Variants in MAP3K4 observed in about 807,000 individuals in gnomAD.
MAP3K4 encodes MAP three kinase 1.
MAP3K4 carries 67 observed loss-of-function variants against 185.6 expected under a neutral mutation model. That is an observed-to-expected ratio of 0.36 (90% CI 0.30 to 0.44). MAP3K4 has a LOEUF of 0.44. MAP3K4 is among the 20% of genes least tolerant of loss of function. The pLI is 1.00. For missense variants in MAP3K4, 1,551 were observed against 1,995.1 expected, an observed-to-expected ratio of 0.78 and a Z score of 4.24; for synonymous variants, 702 against 710.4, an observed-to-expected ratio of 0.99 and a Z score of 0.19.
At chr6:161,083,717 G>A (rs192016556) in intron 6 of MAP3K4, among the ~76,000 whole-genome samples, 4 of 151,718 alleles carry the variant, frequency 2.6e-5, no homozygotes, top group South Asian at 4.2e-4. Flanking sequence ...TTTCTTCCTC[G>A]CAGATTTTCC....
rs1259975744 is a variant in MAP3K4, at chr6:161,064,622, T to C, written c.1708-5986T>C. Among the ~76,000 whole-genome samples, 1 of 152,182 alleles carries C rather than the reference T, an allele frequency of 6.6e-6. No homozygotes were observed. Among genetic ancestry groups the C allele is most frequent in the Non-Finnish European group, 1.5e-5 (1 of 68,036 alleles). On this transcript the variant is annotated intron_variant, in intron 3 of 26. Coordinates refer to ENST00000392142, the MANE Select transcript of MAP3K4 (RefSeq NM_005922.4). The surrounding 1 kb of genome is among the most constrained non-coding windows in gnomAD (Gnocchi z 4.3). The stretch of plus-strand genomic sequence containing the variant: ...TTTCTTTTCAGAAGTTTCTGTGCTG[T>C]TTTTATTTTTGCACATTACTTTCTT...
chr6:161,060,948 C>T (rs1002830264), intron 3 of MAP3K4, among the ~76,000 whole-genome samples: 1 of 152,070 alleles, frequency 6.6e-6, no homozygotes, highest in African/African-American at 2.4e-5. Flanking sequence ...TTTTAAGGAA[C>T]CCTAGTTCCC....
intron 4 of MAP3K4, among the ~76,000 whole-genome samples, chr6:161,072,825 T>C (rs1356466911): frequency 6.6e-6 from 1 of 152,226 alleles, no homozygotes; most frequent in East Asian, 1.9e-4. Context: ...TTGTCTCATT[T>C]CAACCTTCTG....
In MAP3K4 at chr6:161,049,586, T is replaced by A. The variant is rs773972250; in HGVS notation, c.1314T>A (p.Asn438Lys). Residue 438 changes from asparagine (N) to lysine (K), a missense_variant, in exon 3 of 27, where the codon AAT becomes AAA. By Grantham distance (94) the Asn-to-Lys change is moderately conservative. Around this residue, in one of 16 missense-constraint regions of MAP3K4, gnomAD observed 126 missense variants for 112.8 expected, o/e 1.12. Coordinates refer to ENST00000392142, the MANE Select transcript of MAP3K4 (RefSeq NM_005922.4). The surrounding 1 kb of genome is among the most constrained non-coding windows in gnomAD (Gnocchi z 8.4). ...EIPSPRPSKG[N>K]EPEYEGDDTE... The stretch of plus-strand genomic sequence containing the variant: ...CTTCCCCTCGACCATCCAAAGGTAA[T>A]GAGCCGGAGTATGAGGGTGATGACA... 3 of 1,614,134 alleles carry A rather than the reference T, an allele frequency of 1.9e-6. No individual in the cohort carries two copies. The South Asian group carries it at 3.3e-5, about 18-fold the overall frequency.
At chr6:161,055,602 C>A (rs1784196102) in intron 3 of MAP3K4, among the ~76,000 whole-genome samples, 2 of 152,144 alleles carry the variant, frequency 1.3e-5, no homozygotes, top group South Asian at 2.1e-4. Context: ...TCTAATAATT[C>A]CCTTTTCTGT....
In MAP3K4 at chr6:161,043,073, C is replaced by T. The variant is rs1783563801; in HGVS notation, c.344-5543C>T. Among the ~76,000 whole-genome samples, 1 of 152,160 alleles carries T rather than the reference C, an allele frequency of 6.6e-6. No individual in the cohort carries two copies. The highest frequency in any genetic ancestry group is 2.4e-5 in the African/African-American group (1 of 41,438). On this transcript the variant is annotated intron_variant, in intron 2 of 26. Coordinates refer to ENST00000392142, the MANE Select transcript of MAP3K4 (RefSeq NM_005922.4). This position sits in a 1 kb window ranked among gnomAD's most constrained non-coding sequence, Gnocchi z 4.3. The stretch of plus-strand genomic sequence containing the variant: ...TGTTTGCTTTTTAAAGAATATCATA[C>T]TGATGTAAAATGGAGCTGGTAAAAT...
intron 1 of MAP3K4, among the ~76,000 whole-genome samples, chr6:161,021,752 T>C (rs1782400778): frequency 6.6e-6 from 1 of 152,254 alleles, no homozygotes; most frequent in South Asian, 2.1e-4. Context: ...TGTTTTTTCC[T>C]CTACTCCTAG....
Position 161,115,037 on chromosome 6 carries a change from T to C in MAP3K4, c.4627-86T>C. 8.2e-7 allele frequency: 1 copy of C among 1,216,042 alleles called. No individual in the cohort carries two copies. Among genetic ancestry groups the C allele is most frequent in the Non-Finnish European group, 1.2e-6 (1 of 856,322 alleles). 75.3% of individuals were successfully genotyped at this position (1,216,042 alleles called of 1,614,324 possible). On this transcript the variant is annotated intron_variant, in intron 25 of 26. Transcript: ENST00000392142. The surrounding 1 kb of genome is among the most constrained non-coding windows in gnomAD (Gnocchi z 6.0). Reference sequence around the variant, plus strand: ...GCTGTCCCCTGATATATATTAATGATGAGATGCTTAAAAACAGACTGAACA... The same window carrying C: ...GCTGTCCCCTGATATATATTAATGACGAGATGCTTAAAAACAGACTGAACA...
At chr6:161,079,584 G>GAAAGAA (rs921207069) in intron 5 of MAP3K4, among the ~76,000 whole-genome samples, 1 of 152,130 alleles carries the variant, frequency 6.6e-6, no homozygotes, top group Non-Finnish European at 1.5e-5. Context: ...CTCAAAAAAA[G>GAAAGAA]AAAGAAAAAG....
Position 161,048,189 on chromosome 6 carries a change from A to G in MAP3K4, c.344-427A>G. 1 of 511,910 alleles carries G rather than the reference A, an allele frequency of 2.0e-6. No individual in the cohort carries two copies. Among genetic ancestry groups the G allele is most frequent in the Non-Finnish European group, 4.0e-6 (1 of 252,934 alleles). The allele number at this position is 511,910 out of a possible 1,614,324, so 31.7% of individuals were successfully genotyped here. ...CAGATAATTTACGTGATTTCCTCTT[A>G]AGTTTACACATTTAGCTAATGACAA... On this transcript the variant is annotated intron_variant, in intron 2 of 26. Transcript: ENST00000392142. The surrounding 1 kb of genome is among the most constrained non-coding windows in gnomAD (Gnocchi z 4.7).
intron 3 of MAP3K4, 70 bp downstream of exon 3, chr6:161,050,049 G>A (rs1783931202): frequency 2.1e-6 from 3 of 1,408,616 alleles, no homozygotes; most frequent in Non-Finnish European, 2.9e-6. Context: ...TTATAATGTT[G>A]GTGTTATGTA....
chr6:161,092,013 C>T lies in MAP3K4; in HGVS notation c.3139C>T (p.His1047Tyr), dbSNP rs376945527. The change falls in exon 13 of 27, where the codon CAT becomes TAT. Residue 1047 changes from histidine (H) to tyrosine (Y), a missense_variant. By Grantham distance (83) the His-to-Tyr change is moderately conservative (BLOSUM62 2). This residue lies in a region of MAP3K4 where 261 missense variants were observed against 306.5 expected (regional missense o/e 0.85). Coordinates refer to ENST00000392142, the MANE Select transcript of MAP3K4 (RefSeq NM_005922.4). ...TATACATGAAATCTTCTTACAGTATCATAAAGAAGTTGTTCGTTTGATGTC... is the reference window on the plus strand; with the variant it reads ...TATACATGAAATCTTCTTACAGTATTATAAAGAAGTTGTTCGTTTGATGTC... ...IQGYNFGFEY[H>Y]KEVVRLMSGE... The T allele has an allele frequency of 2.2e-5, 36 of 1,610,162 alleles. No homozygotes were observed. The highest frequency in any genetic ancestry group is 1.7e-4 in the Middle Eastern group (1 of 6,052).
At position 161,117,218 on chromosome 6, in the gene MAP3K4, G is replaced by A. The variant is rs1488; in HGVS notation, c.*348G>A. On this transcript the variant is annotated 3_prime_UTR_variant, in exon 27 of 27. Coordinates refer to ENST00000392142, the MANE Select transcript of MAP3K4 (RefSeq NM_005922.4). Reference sequence around the variant, plus strand: ...AAAAGAAGTTGTAGTGTTATCAGGCGTCCCATACCTTGTTTTTAATCTCCT... The same window carrying A: ...AAAAGAAGTTGTAGTGTTATCAGGCATCCCATACCTTGTTTTTAATCTCCT... The A allele has an allele frequency of 0.62, 148,222 of 237,566 alleles. 46,916 individuals are homozygous for A. The highest frequency in any genetic ancestry group is 0.8 in the South Asian group (4,997 of 6,274). 14.7% of individuals were successfully genotyped at this position (237,566 alleles called of 1,614,324 possible).
intron 1 of MAP3K4, among the ~76,000 whole-genome samples, chr6:161,031,947 A>T (rs531563578): frequency 6.6e-6 from 1 of 152,054 alleles, no homozygotes; most frequent in Non-Finnish European, 1.5e-5. Context: ...ATCTGACTTC[A>T]TTTTTCTAAT....
At chr6:161,009,481 G>T (rs1432918996) in intron 1 of MAP3K4, among the ~76,000 whole-genome samples, 1 of 152,096 alleles carries the variant, frequency 6.6e-6, no homozygotes, top group Non-Finnish European at 1.5e-5. Context: ...TCATGTAAGT[G>T]GAATCAGAGC....
In MAP3K4 at chr6:161,076,495, A is replaced by G. The variant is rs1407066369; in HGVS notation, c.2097+2883A>G. Among the ~76,000 whole-genome samples the G allele has an allele frequency of 2.0e-5, 3 of 152,220 alleles. No individual in the cohort carries two copies. Among genetic ancestry groups the G allele is most frequent in the Non-Finnish European group, 2.9e-5 (2 of 68,042 alleles). On this transcript the variant is annotated intron_variant, in intron 5 of 26. Coordinates refer to ENST00000392142, the MANE Select transcript of MAP3K4 (RefSeq NM_005922.4). This position sits in a 1 kb window ranked among gnomAD's most constrained non-coding sequence, Gnocchi z 4.2. Reference sequence around the variant, plus strand: ...TTAAGCATGTAGGTCAAAGGAAGTAACTTGGTGAGCATTTGGAACATCAAA... The same window carrying G: ...TTAAGCATGTAGGTCAAAGGAAGTAGCTTGGTGAGCATTTGGAACATCAAA...
intron 1 of MAP3K4, among the ~76,000 whole-genome samples, chr6:161,015,314 G>C (rs1265758739): frequency 6.6e-6 from 1 of 151,746 alleles, no homozygotes; most frequent in Non-Finnish European, 1.5e-5. Flanking sequence ...GTTGATGGTG[G>C]GGGGAGGGAG....
chr6:161,105,772 C>T (rs1174438605), intron 19 of MAP3K4, among the ~76,000 whole-genome samples: 1 of 151,732 alleles, frequency 6.6e-6, no homozygotes, highest in Admixed American at 6.6e-5. Flanking sequence ...GGTCCAAATT[C>T]TGCAGGGGTT....
At chr6:161,092,953 A>T in intron 13 of MAP3K4, 25 bp from the exon 14 acceptor site, 1 of 1,472,960 alleles carries the variant, frequency 6.8e-7, no homozygotes, top group Non-Finnish European at 9.5e-7. Flanking sequence ...TTGTTATGTG[A>T]TTACTGAACT....
Sources: gnomAD v4.1 joint callset for allele counts (sites outside exome capture counted in the v4.1 genomes callset) on GRCh38, gnomAD v4.1.1 for gene constraint, gnomAD v4.1.1 regional missense constraint, Gnocchi (gnomAD v3.1) non-coding constraint, MANE v1.5 for transcripts, NCBI Gene and HGNC (gene_info 2026-07-23, HGNC 2026-07-21) for gene names.